Variants in DCP2 observed in about 807,000 individuals in gnomAD.
DCP2 encodes the protein m7GpppN-mRNA hydrolase.
A neutral mutation model predicts 56.1 loss-of-function variants in DCP2; 30 were observed. The observed-to-expected ratio is 0.53, with a 90% confidence interval of 0.40 to 0.73. The LOEUF (loss-of-function observed/expected upper bound fraction) is 0.73, where lower values mean the gene tolerates loss of function less well. DCP2 is among the 30% of genes least tolerant of loss of function. The probability of loss-of-function intolerance (pLI) is 0.00; values close to 1 mark genes in which losing one functional copy is unlikely to be tolerated. For missense variants in DCP2, 533 were observed against 502.7 expected (o/e 1.06, Z -0.58); for synonymous variants, 197 against 163.3 (o/e 1.21, Z -1.57).
chr5:113,007,246 A>G (rs1390780457), intron 8 of DCP2, among the ~76,000 whole-genome samples: 6 of 152,174 alleles, frequency 3.9e-5, no homozygotes, highest in African/African-American at 1.2e-4. Context: ...ATTGATTACT[A>G]CATCTACCCA....
At chr5:113,000,422 A>ACACC (rs756290884) in intron 4 of DCP2, among the ~76,000 whole-genome samples, 1 of 150,212 alleles carries the variant, frequency 6.7e-6, no homozygotes. Context: ...ACACACACAC[A>ACACC]CACCCACACA....
chr5:112,984,918 G>A (rs536716040), intron 1 of DCP2, among the ~76,000 whole-genome samples: 153 of 151,304 alleles, frequency 1.0e-3, no homozygotes, highest in Non-Finnish European at 1.1e-3. Context: ...TTGGAGAAGA[G>A]TATTCTTATG....
rs765099711 is a variant in DCP2 at position 113,001,600 on chromosome 5, C to T, written c.732C>T (p.Gly244=). 261 of 1,614,114 alleles carry T rather than the reference C, an allele frequency of 1.6e-4. No individual in the cohort carries two copies. The highest frequency in any genetic ancestry group is 2.0e-4 in the Non-Finnish European group (234 of 1,180,012). ...GGGACTGGCTTTCTCGAAGATTTGG[C>T]GATTCCTCAGACAGTGACAATGGAT... ...PLRDWLSRRF[G]DSSDSDNGFS... is the part of the protein sequence containing the mutation. The change falls in exon 7 of 11, where the codon GGC becomes GGT. Residue 244 remains glycine, a synonymous_variant. Coordinates refer to ENST00000389063, the MANE Select transcript of DCP2 (RefSeq NM_152624.6).
chr5:113,010,933 A>T, intron 10 of DCP2, 126 bp downstream of exon 10: 1 of 991,734 alleles, frequency 1.0e-6, no homozygotes, highest in African/African-American at 1.7e-5. Context: ...TATGTTCTGT[A>T]GAAAGAGTTC....
chr5:112,995,863 T>C (rs573876004), intron 4 of DCP2, among the ~76,000 whole-genome samples: 10 of 152,302 alleles, frequency 6.6e-5, no homozygotes, highest in Admixed American at 5.9e-4. Context: ...AACAAATTTA[T>C]TTTGCAACGG....
chr5:112,989,727 A>C (rs1420663781), intron 2 of DCP2, among the ~76,000 whole-genome samples: 2 of 152,174 alleles, frequency 1.3e-5, no homozygotes, highest in African/African-American at 4.8e-5. Flanking sequence ...GTTTTCCTAC[A>C]TTTGCTTATT....
At chr5:112,979,688 C>G (rs996550349) in intron 1 of DCP2, among the ~76,000 whole-genome samples, 1 of 152,088 alleles carries the variant, frequency 6.6e-6, no homozygotes, top group Non-Finnish European at 1.5e-5. Context: ...GACTTTGTAA[C>G]CTTTAGACTG....
intron 1 of DCP2, among the ~76,000 whole-genome samples, chr5:112,985,135 C>G (rs934723171): frequency 6.6e-6 from 1 of 152,052 alleles, no homozygotes; most frequent in Admixed American, 6.5e-5. Flanking sequence ...AATGACTGCT[C>G]TGAATTACAA....
At chr5:113,013,142 C>A (rs1017494734) in intron 10 of DCP2, among the ~76,000 whole-genome samples, 179 bp from the exon 11 acceptor site, 1 of 152,124 alleles carries the variant, frequency 6.6e-6, no homozygotes, top group Non-Finnish European at 1.5e-5. Context: ...ATTGAAAATG[C>A]AGTTGACCAC....
At chr5:113,007,331 C>T (rs781224326) in intron 8 of DCP2, among the ~76,000 whole-genome samples, 3 of 151,544 alleles carry the variant, frequency 2.0e-5, no homozygotes, top group South Asian at 2.1e-4. Context: ...GCATTAGAAA[C>T]GAGATCTATA....
Position 112,992,150 on chromosome 5 carries a change from C to G in DCP2, c.235C>G (p.Gln79Glu), listed in dbSNP as rs1486135967. ...CAGTCATTGTCCGTTTTTGCTGCCTCAAGGTGAAGATGTGGAAAAAGTTTT... is the reference window on the plus strand; with the variant it reads ...CAGTCATTGTCCGTTTTTGCTGCCTGAAGGTGAAGATGTGGAAAAAGTTTT... ...VFSHCPFLLP[Q>E]GEDVEKVLDE... is the part of the protein sequence containing the mutation. Residue 79 changes from glutamine to glutamate, a missense_variant, in exon 3 of 11, where the codon CAA (glutamine) becomes GAA (glutamate). Gln to Glu is a conservative substitution (Grantham distance 29, BLOSUM62 2). Around this residue, in one of 3 missense-constraint regions of DCP2, gnomAD observed 137 missense variants for 138.2 expected, o/e 0.99. Transcript: ENST00000389063. 6.2e-7 allele frequency: 1 copy of G among 1,613,720 alleles called. No individual in the cohort carries two copies. The highest frequency in any genetic ancestry group is 8.5e-7 in the Non-Finnish European group (1 of 1,179,898).
Position 113,014,185 on chromosome 5 carries a change from A to G in DCP2, c.*701A>G, listed in dbSNP as rs1749791430. 1 of 152,208 alleles carries G rather than the reference A, an allele frequency of 6.6e-6. No homozygotes were observed. The highest frequency in any genetic ancestry group is 2.1e-4 in the South Asian group (1 of 4,832). 9.4% of individuals were successfully genotyped at this position (152,208 alleles called of 1,614,324 possible). A position where few individuals can be genotyped will look rare whatever the true frequency, so the allele number is the denominator to read the frequency against. On this transcript the variant is annotated 3_prime_UTR_variant, in exon 11 of 11. Coordinates refer to ENST00000389063, the MANE Select transcript of DCP2 (RefSeq NM_152624.6). ...TACATGCAGTCAGTAAACCTGTGAGACTGCTGGAGGAAATGTAGCAGACAG... is the reference window on the plus strand; with the variant it reads ...TACATGCAGTCAGTAAACCTGTGAGGCTGCTGGAGGAAATGTAGCAGACAG...
intron 2 of DCP2, among the ~76,000 whole-genome samples, chr5:112,986,640 A>G (rs145003538): frequency 6.6e-6 from 1 of 152,206 alleles, no homozygotes; most frequent in Non-Finnish European, 1.5e-5. Flanking sequence ...GCCCAGTGAC[A>G]TTTATTAAAT....
chr5:113,012,274 C>G (rs1041696969), intron 10 of DCP2, among the ~76,000 whole-genome samples: 2 of 152,140 alleles, frequency 1.3e-5, no homozygotes, highest in Non-Finnish European at 2.9e-5. Flanking sequence ...GCAAAAAGGT[C>G]ACTTGCGCCC....
intron 8 of DCP2, among the ~76,000 whole-genome samples, chr5:113,006,453 A>G (rs1749441636): frequency 6.6e-6 from 1 of 152,240 alleles, no homozygotes; most frequent in South Asian, 2.1e-4. Context: ...CCACAATTAA[A>G]AAACTGCTGG....
intron 4 of DCP2, among the ~76,000 whole-genome samples, chr5:112,998,982 T>C (rs1001365022): frequency 2.0e-5 from 3 of 152,238 alleles, no homozygotes; most frequent in African/African-American, 7.2e-5. Context: ...CCCACCCATT[T>C]GCCTACCCAG....
rs1750112796 is a variant in DCP2, at chr5:113,021,290, C to T, written c.*7806C>T. Among the ~76,000 whole-genome samples, 1 of 151,166 alleles carries T rather than the reference C, an allele frequency of 6.6e-6. No individual in the cohort carries two copies. The highest frequency in any genetic ancestry group is 2.4e-5 in the African/African-American group (1 of 41,068). On this transcript the variant is annotated 3_prime_UTR_variant, in exon 11 of 11. Transcript: ENST00000389063. ...GCTGAGGCAGGAGAATCTCTTGACC[C>T]CGGGAGGCAGAGGTCGCAGTGAGCT...
At chr5:113,004,218 T>G in intron 8 of DCP2, 141 bp downstream of exon 8, 2 of 978,424 alleles carry the variant, frequency 2.0e-6, no homozygotes, top group Non-Finnish European at 2.9e-6. Context: ...TACTTATGAT[T>G]TGAAGCAGGG....
intron 9 of DCP2, 137 bp from the exon 10 acceptor site, chr5:113,010,619 T>A (rs939125144): frequency 9.7e-7 from 1 of 1,034,118 alleles, no homozygotes; most frequent in Non-Finnish European, 1.3e-6. Context: ...GGTGAGAGAA[T>A]GGGATGATGA....
Sources: gnomAD v4.1 joint callset for allele counts (sites outside exome capture counted in the v4.1 genomes callset) on GRCh38, gnomAD v4.1.1 for gene constraint, gnomAD v4.1.1 regional missense constraint, MANE v1.5 for transcripts, NCBI Gene and HGNC (gene_info 2026-07-23, HGNC 2026-07-21) for gene names.